Variants in CFAP299 observed in about 807,000 individuals in gnomAD.
CFAP299 encodes the protein cilia- and flagella-associated protein 299.
CFAP299 carries 21 observed loss-of-function variants against 27.0 expected under a neutral mutation model. The observed-to-expected ratio is 0.78, with a 90% CI of 0.55 to 1.12. The LOEUF (loss-of-function observed/expected upper bound fraction) is 1.12, where lower values mean the gene tolerates loss of function less well. Among genes scored for constraint, CFAP299 ranks in the 50% most tolerant of loss-of-function variants. CFAP299 has a pLI of 0.00. For synonymous variants in CFAP299, 104 were observed against 98.1 expected (o/e 1.06, Z -0.36); for missense variants, 310 against 276.6 (o/e 1.12, Z -0.86).
Position 80,844,811 on chromosome 4 carries a change from A to G in CFAP299, c.334-25182A>G, listed in dbSNP as rs1731078591. On this transcript the variant is annotated intron_variant, in intron 3 of 5. Coordinates refer to ENST00000358105, the MANE Select transcript of CFAP299 (RefSeq NM_152770.3). Reference sequence around the variant, plus strand: ...TTGTTGCCATTGCTTTTGGTGTTTTAGACATGAAGTCCTTGGCCATGCCTA... The same window carrying G: ...TTGTTGCCATTGCTTTTGGTGTTTTGGACATGAAGTCCTTGGCCATGCCTA... Among the ~76,000 whole-genome samples, 7 of 152,290 alleles carry G rather than the reference A, an allele frequency of 4.6e-5. No individual in the cohort carries two copies. In the South Asian group the frequency reaches 1.4e-3, roughly 32 times the overall value.
intron 3 of CFAP299, among the ~76,000 whole-genome samples, chr4:80,702,969 A>G (rs1263835650): frequency 6.6e-6 from 1 of 151,840 alleles, no homozygotes; most frequent in African/African-American, 2.4e-5. Context: ...ATCAACCTCC[A>G]GCTCTTCATA....
chr4:80,851,303 G>T (rs1731509402), intron 3 of CFAP299, among the ~76,000 whole-genome samples: 1 of 152,088 alleles, frequency 6.6e-6, no homozygotes. Flanking sequence ...ATATTTTTAA[G>T]CATCTACTAT....
chr4:80,835,257 G>C (rs140458024), intron 3 of CFAP299, among the ~76,000 whole-genome samples: 5,556 of 151,966 alleles, frequency 0.037, 352 homozygotes, highest in African/African-American at 0.13. Flanking sequence ...CCGTCACCAC[G>C]CCTGGCTAAT....
At chr4:80,504,486 T>TATATATAC (rs1731906307) in intron 2 of CFAP299, among the ~76,000 whole-genome samples, 1 of 126,908 alleles carries the variant, frequency 7.9e-6, no homozygotes, top group Non-Finnish European at 1.7e-5. Context: ...TATATATATA[T>TATATATAC]ATATATATAT....
chr4:80,939,812 AGATTTTGAGGGTCTCTCAGG>A (rs773724111), intron 4 of CFAP299, among the ~76,000 whole-genome samples: 1 of 152,090 alleles, frequency 6.6e-6, no homozygotes, highest in Non-Finnish European at 1.5e-5. Context: ...GCTTAACTAG[AGATTTTGAGGGTCTCTCAGG>A]CCTTTTTTAT....
rs112129666 is a variant in CFAP299, at chr4:80,954,027, G to A, written c.606+9088G>A. 9.2e-3 allele frequency among the ~76,000 whole-genome samples: 1,401 copies of A among 152,262 alleles called. 14 individuals are homozygous for A. Among genetic ancestry groups the A allele is most frequent in the African/African-American group, 0.02 (845 of 41,532 alleles). Reference sequence around the variant, plus strand: ...GAAGAGAGCTTTAGACACAGTTCACGCTCACTTTCTCACAAAATGTATTAC... The same window carrying A: ...GAAGAGAGCTTTAGACACAGTTCACACTCACTTTCTCACAAAATGTATTAC... On this transcript the variant is annotated intron_variant, in intron 5 of 5. Transcript: ENST00000358105.
chr4:80,694,719 G>A (rs141819842), intron 3 of CFAP299, among the ~76,000 whole-genome samples: 3 of 152,196 alleles, frequency 2.0e-5, no homozygotes, highest in South Asian at 2.1e-4. Context: ...GTCAATTGTG[G>A]GTTAGAAGCA....
intron 2 of CFAP299, among the ~76,000 whole-genome samples, chr4:80,465,737 A>G (rs1318095661): frequency 6.6e-6 from 1 of 152,202 alleles, no homozygotes; most frequent in African/African-American, 2.4e-5. Flanking sequence ...CAGACCAAAC[A>G]CACAAACATA....
chr4:80,846,837 C>G (rs564926627), intron 3 of CFAP299, among the ~76,000 whole-genome samples: 2 of 152,178 alleles, frequency 1.3e-5, no homozygotes, highest in South Asian at 4.2e-4. Flanking sequence ...CCTTTAATAC[C>G]AACCAGCACA....
At chr4:80,403,800 C>G (rs1334119104) in intron 2 of CFAP299, among the ~76,000 whole-genome samples, 2 of 152,138 alleles carry the variant, frequency 1.3e-5, no homozygotes, top group Non-Finnish European at 2.9e-5. Context: ...AATACCTTTT[C>G]TCTTTGCTCA....
chr4:80,911,633 G>C (rs1173448807), intron 4 of CFAP299, among the ~76,000 whole-genome samples: 1 of 152,054 alleles, frequency 6.6e-6, no homozygotes, highest in African/African-American at 2.4e-5. Context: ...TAAGATTCTA[G>C]TCAATACCAT....
intron 3 of CFAP299, chr4:80,608,392 T>G: frequency 6.6e-7 from 1 of 1,516,562 alleles, no homozygotes; most frequent in Non-Finnish European, 8.8e-7. Context: ...CAGTAAGTAC[T>G]GCTTATGGAA....
intron 1 of CFAP299, among the ~76,000 whole-genome samples, chr4:80,356,557 T>G (rs1242213331): frequency 1.3e-5 from 2 of 152,190 alleles, no homozygotes; most frequent in East Asian, 3.9e-4. Flanking sequence ...TCACCTCCCT[T>G]GTTAGCTGTA....
At chr4:80,571,297 G>A (rs1264492844) in intron 2 of CFAP299, among the ~76,000 whole-genome samples, 3 of 151,836 alleles carry the variant, frequency 2.0e-5, no homozygotes, top group South Asian at 4.2e-4. Context: ...TGCTCTTTGC[G>A]GCAAGTTTCC....
At chr4:80,641,477 A>G (rs1191224967) in intron 3 of CFAP299, among the ~76,000 whole-genome samples, 1 of 152,220 alleles carries the variant, frequency 6.6e-6, no homozygotes, top group Non-Finnish European at 1.5e-5. Context: ...TGCTGGGATT[A>G]CAGGCATGAG....
chr4:80,432,487 A>C (rs1727866977), intron 2 of CFAP299, among the ~76,000 whole-genome samples: 1 of 149,130 alleles, frequency 6.7e-6, no homozygotes, highest in Admixed American at 6.7e-5. Context: ...TCTAAAAGAC[A>C]GTCTTTTTAG....
intron 3 of CFAP299, among the ~76,000 whole-genome samples, chr4:80,718,556 G>A (rs1373751733): frequency 6.6e-6 from 1 of 151,790 alleles, no homozygotes. Flanking sequence ...TGTAAGTGAA[G>A]ACAAATATAA....
At chr4:80,821,800 C>A (rs1729721802) in intron 3 of CFAP299, among the ~76,000 whole-genome samples, 1 of 152,094 alleles carries the variant, frequency 6.6e-6, no homozygotes, top group Non-Finnish European at 1.5e-5. Context: ...CCAGAGACAC[C>A]TGCAGAGTAC....
chr4:80,897,521 T>C (rs10026120), intron 4 of CFAP299, among the ~76,000 whole-genome samples: 34,591 of 152,014 alleles, frequency 0.23, 8,031 homozygotes, highest in African/African-American at 0.59. Flanking sequence ...CTGGGAGGAC[T>C]GAAGAAACAG....
Sources: gnomAD v4.1 joint callset for allele counts (sites outside exome capture counted in the v4.1 genomes callset) on GRCh38, gnomAD v4.1.1 for gene constraint, MANE v1.5 for transcripts, NCBI Gene and HGNC (gene_info 2026-07-23, HGNC 2026-07-21) for gene names.